Variants in MRTFA observed in about 807,000 individuals in gnomAD.
MRTFA encodes myocardin related transcription factor A, also known as myocardin-related transcription factor A.
Under a neutral mutation model 83.5 loss-of-function variants are expected in MRTFA, and 20 were observed. The ratio of observed to expected loss-of-function variants is 0.24; its 90% CI spans 0.17 to 0.35. The LOEUF (loss-of-function observed/expected upper bound fraction) is 0.35, where lower values mean the gene tolerates loss of function less well. MRTFA is among the 10% of genes least tolerant of loss of function. MRTFA has a pLI of 1.00. For synonymous variants in MRTFA, 659 were observed against 541.2 expected (o/e 1.22, Z -3.02); for missense variants, 1,200 against 1,224.7 (o/e 0.98, Z 0.30).
intron 8 of MRTFA, 25 bp from the exon 9 acceptor site, chr22:40,423,710 G>A (rs763333785): frequency 1.5e-5 from 23 of 1,505,856 alleles, no homozygotes; most frequent in Non-Finnish European, 2.1e-5. Flanking sequence ...GGGAAGTGAG[G>A]ACATGGCCAC....
intron 1 of MRTFA, among the ~76,000 whole-genome samples, chr22:40,604,355 C>CT (rs1328450162): frequency 6.6e-6 from 1 of 151,836 alleles, no homozygotes; most frequent in Admixed American, 6.6e-5. Context: ...TGGTCTCAAT[C>CT]TCCTGACCTC....
chr22:40,591,226 A>G (rs2056116423), intron 2 of MRTFA, among the ~76,000 whole-genome samples: 1 of 152,020 alleles, frequency 6.6e-6, no homozygotes, highest in Admixed American at 6.6e-5. Context: ...GAGGCATTAT[A>G]AAATAACAAC....
chr22:40,417,916 G>A (rs1268126040), intron 12 of MRTFA, among the ~76,000 whole-genome samples: 1 of 152,172 alleles, frequency 6.6e-6, no homozygotes, highest in Non-Finnish European at 1.5e-5. Flanking sequence ...GCTGAGAGAG[G>A]GTCTGCTGAG....
intron 2 of MRTFA, among the ~76,000 whole-genome samples, chr22:40,593,002 C>T (rs761032656): frequency 1.8e-4 from 27 of 152,068 alleles, no homozygotes; most frequent in Non-Finnish European, 3.8e-4. Context: ...TAAACAACCC[C>T]AATCCACACT....
intron 4 of MRTFA, 59 bp from the exon 5 acceptor site, chr22:40,435,613 G>C (rs1013346267): frequency 6.4e-7 from 1 of 1,568,140 alleles, no homozygotes; most frequent in African/African-American, 1.4e-5. Flanking sequence ...CTAGTGCTAC[G>C]ATATTCAGTG....
At position 40,563,574 on chromosome 22, in the gene MRTFA, T is replaced by C. The variant is rs2055661283; in HGVS notation, c.-21-11207A>G. On this transcript the variant is annotated intron_variant, in intron 2 of 14. Coordinates refer to ENST00000355630, the MANE Select transcript of MRTFA (RefSeq NM_020831.6). ...TACACAGAAGATCAGAAAAAGCTTC[T>C]AGAGAGGGCCAGGTGTAGTAGCTCA... Among the ~76,000 whole-genome samples, 5 of 150,246 alleles carry C rather than the reference T, an allele frequency of 3.3e-5. No individual in the cohort carries two copies. The South Asian group carries it at 1.0e-3, about 32-fold the overall frequency.
intron 5 of MRTFA, among the ~76,000 whole-genome samples, chr22:40,432,089 T>C (rs1397722311): frequency 1.3e-5 from 2 of 151,988 alleles, no homozygotes; most frequent in Admixed American, 6.5e-5. Flanking sequence ...CTACTAAAAA[T>C]ACAAAAATTA....
At chr22:40,602,781 A>G (rs2056275299) in intron 1 of MRTFA, among the ~76,000 whole-genome samples, 1 of 152,012 alleles carries the variant, frequency 6.6e-6, no homozygotes, top group Non-Finnish European at 1.5e-5. Context: ...CAGGAGGTGG[A>G]GGTTGCAGCG....
chr22:40,524,260 C>T (rs1444826690), intron 3 of MRTFA, among the ~76,000 whole-genome samples: 2 of 152,178 alleles, frequency 1.3e-5, no homozygotes, highest in Admixed American at 1.3e-4. Flanking sequence ...TATGCCACTG[C>T]ACTCCACCCT....
At chr22:40,519,695 AC>A in intron 3 of MRTFA, 6 of 1,011,106 alleles carry the variant, frequency 5.9e-6, no homozygotes, top group Non-Finnish European at 7.8e-6. Flanking sequence ...AATCACACCC[AC>A]TCATGGGTTC....
chr22:40,558,089 T>C (rs2055556180), intron 2 of MRTFA, among the ~76,000 whole-genome samples: 1 of 150,534 alleles, frequency 6.6e-6, no homozygotes, highest in Non-Finnish European at 1.5e-5. Flanking sequence ...TTTCTTTCTT[T>C]CTTTTTTTTT....
intron 4 of MRTFA, among the ~76,000 whole-genome samples, chr22:40,437,315 G>A (rs1268777320): frequency 2.0e-5 from 3 of 152,106 alleles, no homozygotes; most frequent in Non-Finnish European, 2.9e-5. Context: ...TGCATCACAC[G>A]TAACCTTGGC....
chr22:40,538,107 C>T (rs2055218612), intron 3 of MRTFA, among the ~76,000 whole-genome samples: 1 of 23,868 alleles, frequency 4.2e-5, no homozygotes, highest in African/African-American at 1.8e-4. Flanking sequence ...ATGACAATGG[C>T]GGCTTTGTGG....
intron 4 of MRTFA, among the ~76,000 whole-genome samples, chr22:40,448,296 C>T (rs571728029): frequency 4.0e-5 from 6 of 151,764 alleles, no homozygotes; most frequent in Admixed American, 6.6e-5. Context: ...GGCAACAGAG[C>T]GAGACTCTGT....
intron 1 of MRTFA, among the ~76,000 whole-genome samples, chr22:40,615,974 T>C (rs1466952833): frequency 6.6e-6 from 1 of 152,164 alleles, no homozygotes; most frequent in Non-Finnish European, 1.5e-5. Context: ...CGTGAGCCAC[T>C]GCACCCGGCC....
intron 4 of MRTFA, among the ~76,000 whole-genome samples, chr22:40,461,628 C>CAAA (rs71199287): frequency 1.0e-5 from 1 of 100,380 alleles, no homozygotes; most frequent in African/African-American, 3.7e-5. Flanking sequence ...ACTAAAAATA[C>CAAA]AAAAAAAAAA....
chr22:40,427,644 C>T (rs529896921), intron 7 of MRTFA, among the ~76,000 whole-genome samples: 3 of 152,260 alleles, frequency 2.0e-5, no homozygotes, highest in South Asian at 2.1e-4. Flanking sequence ...TGGTTTTTGT[C>T]CCCCAGTTCT....
At chr22:40,478,981 G>A (rs796629787) in intron 3 of MRTFA, among the ~76,000 whole-genome samples, 9 of 152,230 alleles carry the variant, frequency 5.9e-5, no homozygotes, top group African/African-American at 2.2e-4. Flanking sequence ...AGGAGTGAAT[G>A]ATACAGGAGT....
chr22:40,608,527 T>C (rs150118486), intron 1 of MRTFA, among the ~76,000 whole-genome samples: 1 of 152,298 alleles, frequency 6.6e-6, no homozygotes, highest in East Asian at 1.9e-4. Context: ...AGATGTGACC[T>C]CATTTAATCC....
Sources: gnomAD v4.1 joint callset for allele counts (sites outside exome capture counted in the v4.1 genomes callset) on GRCh38, gnomAD v4.1.1 for gene constraint, MANE v1.5 for transcripts, NCBI Gene and HGNC (gene_info 2026-07-23, HGNC 2026-07-21) for gene names.